The following CDYL variants were observed in gnomAD, a reference collection of about 807,000 sequenced individuals.
CDYL encodes the protein chromodomain Y like, also known as chromodomain Y-like protein.
CDYL carries 8 observed loss-of-function variants against 47.3 expected under a neutral mutation model. The observed-to-expected ratio is 0.17, with a 90% CI of 0.10 to 0.31. The LOEUF is 0.31. Among genes scored for constraint, CDYL ranks in the 10% least tolerant of loss-of-function variants. The pLI, the probability that CDYL is intolerant of heterozygous loss-of-function variation, is 1.00. For missense variants in CDYL, 471 were observed against 701.4 expected, an observed-to-expected ratio of 0.67 and a Z score of 3.71; for synonymous variants, 266 against 265.0, an observed-to-expected ratio of 1.00 and a Z score of -0.04.
chr6:4,748,682 A>ACACACACAC (rs1248295380), intron 3 of CDYL, among the ~76,000 whole-genome samples: 4 of 66,540 alleles, frequency 6.0e-5, no homozygotes, highest in Admixed American at 3.2e-4. Context: ...CACACACACA[A>ACACACACAC]ACAAATTTTA....
chr6:4,887,795 G>C (rs1761937408), intron 1 of CDYL, among the ~76,000 whole-genome samples: 1 of 151,618 alleles, frequency 6.6e-6, no homozygotes, highest in Admixed American at 6.6e-5. Flanking sequence ...TAGTCTTTCA[G>C]TATTCTGTGT....
At chr6:4,723,147 T>C (rs957314270) in intron 2 of CDYL, among the ~76,000 whole-genome samples, 3 of 152,122 alleles carry the variant, frequency 2.0e-5, no homozygotes, top group Non-Finnish European at 4.4e-5. Flanking sequence ...TACAACAATA[T>C]AAATAATACA....
intron 1 of CDYL, among the ~76,000 whole-genome samples, chr6:4,838,809 C>G (rs149645188): frequency 6.6e-6 from 1 of 152,048 alleles, no homozygotes; most frequent in Non-Finnish European, 1.5e-5. Flanking sequence ...GCCTCAGCCT[C>G]GTGAGTTTCT....
Position 4,953,889 on chromosome 6 carries a change from C to G in CDYL, c.1477-9C>G, listed in dbSNP as rs1169604688. On this transcript the variant is annotated splice_polypyrimidine_tract_variant and intron_variant, in intron 6 of 6. Coordinates refer to ENST00000397588, the MANE Select transcript of CDYL (RefSeq NM_004824.4). Reference sequence around the variant, plus strand: ...ACCCTGCTAACTGGCTGCTTGTTTTCCGGTGCAGGTGCTTGAGGAATCCAA... The same window carrying G: ...ACCCTGCTAACTGGCTGCTTGTTTTGCGGTGCAGGTGCTTGAGGAATCCAA... 1.9e-6 allele frequency: 3 copies of G among 1,608,490 alleles called. No homozygotes were observed. The highest frequency in any genetic ancestry group is 2.5e-6 in the Non-Finnish European group (3 of 1,177,136).
At chr6:4,788,410 G>A (rs1758816795) in intron 1 of CDYL, among the ~76,000 whole-genome samples, 1 of 146,806 alleles carries the variant, frequency 6.8e-6, no homozygotes, top group African/African-American at 2.5e-5. Context: ...TTGAACCCAG[G>A]AGGTGGAGTT....
intron 3 of CDYL, among the ~76,000 whole-genome samples, chr6:4,746,802 G>A (rs1757906750): frequency 6.6e-6 from 1 of 152,240 alleles, no homozygotes; most frequent in South Asian, 2.1e-4. Context: ...GGAAGGATGA[G>A]ATTTTCCCAG....
intron 1 of CDYL, among the ~76,000 whole-genome samples, chr6:4,860,897 C>T (rs1761150517): frequency 6.6e-6 from 1 of 151,962 alleles, no homozygotes; most frequent in Non-Finnish European, 1.5e-5. Context: ...AGATTGTGCC[C>T]ACCAGATGAA....
At chr6:4,945,052 C>T (rs1251524266) in intron 5 of CDYL, among the ~76,000 whole-genome samples, 1 of 152,136 alleles carries the variant, frequency 6.6e-6, no homozygotes, top group East Asian at 1.9e-4. Context: ...CGTGGAAAGA[C>T]TGAGGAACCG....
intron 3 of CDYL, among the ~76,000 whole-genome samples, chr6:4,749,009 C>T (rs1320488848): frequency 6.6e-6 from 1 of 152,236 alleles, no homozygotes; most frequent in Non-Finnish European, 1.5e-5. Context: ...CCTGTAGACA[C>T]ACTGTTAGAT....
intron 1 of CDYL, among the ~76,000 whole-genome samples, chr6:4,868,682 G>A (rs1761390259): frequency 6.6e-6 from 1 of 152,078 alleles, no homozygotes; most frequent in African/African-American, 2.4e-5. Context: ...CTATATCATT[G>A]CCGATTTTCT....
chr6:4,757,293 T>G (rs1758090030), intron 3 of CDYL, among the ~76,000 whole-genome samples: 1 of 152,390 alleles, frequency 6.6e-6, no homozygotes, highest in African/African-American at 2.4e-5. Context: ...TTTGCAATTA[T>G]GACTCTCCTA....
At chr6:4,892,536 C>A (rs775885142) in intron 2 of CDYL, among the ~76,000 whole-genome samples, 157 bp downstream of exon 2, 10 of 150,570 alleles carry the variant, frequency 6.6e-5, no homozygotes, top group Non-Finnish European at 1.5e-4. Context: ...TCGCTGGAAG[C>A]CTTTGATATT....
intron 1 of CDYL, among the ~76,000 whole-genome samples, chr6:4,828,572 G>GT (rs1227685696): frequency 2.6e-5 from 4 of 152,044 alleles, no homozygotes; most frequent in African/African-American, 4.8e-5. Flanking sequence ...GCTTCCAATA[G>GT]TTTGATTATG....
chr6:4,852,692 G>T (rs902564102), intron 1 of CDYL, among the ~76,000 whole-genome samples: 1 of 151,682 alleles, frequency 6.6e-6, no homozygotes, highest in Non-Finnish European at 1.5e-5. Flanking sequence ...TAACATTTTT[G>T]TGTGTGTATC....
intron 3 of CDYL, among the ~76,000 whole-genome samples, chr6:4,744,559 A>T (rs1469074345): frequency 1.3e-5 from 2 of 152,166 alleles, no homozygotes; most frequent in African/African-American, 4.8e-5. Context: ...ATCAAGGAAA[A>T]GTCCAGAGTC....
At chr6:4,778,348 G>A (rs1362071613) in intron 1 of CDYL, among the ~76,000 whole-genome samples, 1 of 152,198 alleles carries the variant, frequency 6.6e-6, no homozygotes, top group Non-Finnish European at 1.5e-5. Context: ...TTATACGTAA[G>A]TTGTATCCTA....
At chr6:4,779,262 A>G (rs1758548779) in intron 1 of CDYL, among the ~76,000 whole-genome samples, 1 of 152,222 alleles carries the variant, frequency 6.6e-6, no homozygotes, top group African/African-American at 2.4e-5. Context: ...TGTTTTGTCC[A>G]GTTCTGCCTA....
intron 1 of CDYL, among the ~76,000 whole-genome samples, chr6:4,878,051 T>G (rs1249719498): frequency 1.3e-5 from 2 of 152,210 alleles, no homozygotes; most frequent in African/African-American, 4.8e-5. Flanking sequence ...ATTCTCATAG[T>G]ATGGTGGATT....
chr6:4,714,716 A>T (rs1757221761), intron 1 of CDYL: 1 of 152,216 alleles, frequency 6.6e-6, no homozygotes, highest in African/African-American at 2.4e-5. Context: ...TGCCATTCAT[A>T]TGGAGCCCAG....
Sources: gnomAD v4.1 joint callset for allele counts (sites outside exome capture counted in the v4.1 genomes callset) on GRCh38, gnomAD v4.1.1 for gene constraint, MANE v1.5 for transcripts, NCBI Gene and HGNC (gene_info 2026-07-23, HGNC 2026-07-21) for gene names.